Variants in DMXL1 observed in about 807,000 individuals in gnomAD.
DMXL1 encodes the protein dmX-like protein 1.
Under a neutral mutation model 319.2 loss-of-function variants are expected in DMXL1, and 99 were observed. That is an observed-to-expected ratio of 0.31 (90% CI 0.26 to 0.37). DMXL1 has a LOEUF of 0.37. Ranked by LOEUF, DMXL1 falls within the 10% of genes least tolerant of loss-of-function variation. The probability of loss-of-function intolerance (pLI) is 1.00; values close to 1 mark genes in which losing one functional copy is unlikely to be tolerated. For missense variants in DMXL1, 3,745 were observed against 3,595.6 expected (o/e 1.04, Z -1.06); for synonymous variants, 1,385 against 1,235.2 (o/e 1.12, Z -2.54).
chr5:119,238,863 G>T, intron 40 of DMXL1, 126 bp from the exon 41 acceptor site: 1 of 1,450,710 alleles, frequency 6.9e-7, no homozygotes, highest in South Asian at 1.5e-5. Context: ...AAAGTTCAAA[G>T]GAAAAAAACG....
intron 41 of DMXL1, 97 bp downstream of exon 41, chr5:119,239,177 T>A: frequency 8.1e-7 from 1 of 1,232,060 alleles, no homozygotes; most frequent in Admixed American, 2.1e-5. Context: ...TACTTATGGC[T>A]TTAGATACAG....
At chr5:119,180,257 A>G (rs1488347749) in intron 28 of DMXL1, among the ~76,000 whole-genome samples, 1 of 152,228 alleles carries the variant, frequency 6.6e-6, no homozygotes, top group Admixed American at 6.5e-5. Flanking sequence ...AATTGTACTT[A>G]TGGAATAGTA....
intron 35 of DMXL1, among the ~76,000 whole-genome samples, chr5:119,218,552 G>A (rs1784096020): frequency 6.6e-6 from 1 of 152,108 alleles, no homozygotes; most frequent in Non-Finnish European, 1.5e-5. Context: ...TGCCTCCCGG[G>A]TTCAAGCGAT....
chr5:119,152,107 C>A, intron 19 of DMXL1, 71 bp downstream of exon 19: 1 of 998,884 alleles, frequency 1.0e-6, no homozygotes, highest in Non-Finnish European at 1.5e-6. Context: ...AGTTTTTAAA[C>A]TTGTTTTTAC....
chr5:119,110,875 A>G (rs190752214), intron 5 of DMXL1, among the ~76,000 whole-genome samples: 5 of 151,916 alleles, frequency 3.3e-5, no homozygotes, highest in Non-Finnish European at 7.4e-5. Context: ...TGCAACCTCC[A>G]CCTCCCTGGT....
intron 9 of DMXL1, among the ~76,000 whole-genome samples, chr5:119,123,943 T>C (rs1436900767): frequency 6.6e-6 from 1 of 150,692 alleles, no homozygotes. Context: ...TTACTTCTAC[T>C]AATTAGGGAT....
At chr5:119,100,770 C>CTTTTTTTTTTTTTTTTTTTTTTTTTT in intron 2 of DMXL1, 1 of 62,718 alleles carries the variant, frequency 1.6e-5, no homozygotes, top group Non-Finnish European at 2.8e-5. Context: ...CATCTGTTTT[C>CTTTTTTTTTTTTTTTTTTTTTTTTTT]TTTTTTTTTT....
intron 30 of DMXL1, among the ~76,000 whole-genome samples, chr5:119,195,755 T>G (rs1243634284): frequency 6.6e-6 from 1 of 152,098 alleles, no homozygotes; most frequent in African/African-American, 2.4e-5. Context: ...CATTAAAAAA[T>G]TACTAAAAAT....
chr5:119,088,312 C>T (rs1365083448), intron 1 of DMXL1, among the ~76,000 whole-genome samples: 4 of 152,172 alleles, frequency 2.6e-5, no homozygotes, highest in African/African-American at 7.2e-5. Context: ...TCTTCTTCCA[C>T]CCCTTTACTT....
At chr5:119,120,342 A>C (rs1288762126) in intron 8 of DMXL1, among the ~76,000 whole-genome samples, 1 of 152,258 alleles carries the variant, frequency 6.6e-6, no homozygotes, top group Admixed American at 6.5e-5. Context: ...TAGAATGGTT[A>C]CATGTAGTAA....
intron 19 of DMXL1, among the ~76,000 whole-genome samples, chr5:119,163,876 A>G (rs1772822740): frequency 6.6e-6 from 1 of 151,922 alleles, no homozygotes; most frequent in Non-Finnish European, 1.5e-5. Flanking sequence ...CGCCCGGCCT[A>G]ATTGTACGTT....
chr5:119,236,534 A>C (rs1787791771), intron 39 of DMXL1: 1 of 152,028 alleles, frequency 6.6e-6, no homozygotes. Flanking sequence ...TACCTGGGAA[A>C]GATAGCTATA....
chr5:119,196,522 T>C, intron 31 of DMXL1, 66 bp downstream of exon 31: 1 of 1,205,734 alleles, frequency 8.3e-7, no homozygotes, highest in Non-Finnish European at 1.2e-6. Flanking sequence ...GTTGTTTTTT[T>C]TTTTTTTTTT....
intron 39 of DMXL1, among the ~76,000 whole-genome samples, chr5:119,234,931 C>G (rs1284129835): frequency 6.6e-6 from 1 of 152,100 alleles, no homozygotes; most frequent in Admixed American, 6.6e-5. Flanking sequence ...TCAGCTTTAA[C>G]ACTCACTACA....
chr5:119,133,248 C>G lies in DMXL1; in HGVS notation c.1432C>G (p.Gln478Glu), dbSNP rs2150049545. The part of the protein sequence containing the change: ...TSLSSAAIDH[Q>E]IEVLLSEWSK... Reference sequence around the variant, plus strand: ...ATTATCGTCAGCTGCCATTGATCATCAGATTGAAGTACTTCTGTCTGAATG... The same window carrying G: ...ATTATCGTCAGCTGCCATTGATCATGAGATTGAAGTACTTCTGTCTGAATG... Residue 478 changes from glutamine to glutamate, a missense_variant, in exon 11 of 44, where the codon CAG becomes GAG. Physicochemically the swap from Gln to Glu is conservative, Grantham distance 29. Coordinates refer to ENST00000539542, the MANE Select transcript of DMXL1 (RefSeq NM_001290321.3). 2 of 1,614,150 alleles carry G rather than the reference C, an allele frequency of 1.2e-6. No individual in the cohort carries two copies. Among genetic ancestry groups the G allele is most frequent in the East Asian group, 4.5e-5 (2 of 44,870 alleles).
chr5:119,186,858 T>A (rs1194326401), intron 28 of DMXL1, among the ~76,000 whole-genome samples: 1 of 151,770 alleles, frequency 6.6e-6, no homozygotes, highest in Non-Finnish European at 1.5e-5. Context: ...TACAGTCTAC[T>A]ATCTTGACAT....
chr5:119,099,371 C>T (rs369770849), intron 2 of DMXL1, among the ~76,000 whole-genome samples: 12 of 152,082 alleles, frequency 7.9e-5, no homozygotes, highest in East Asian at 1.9e-4. Flanking sequence ...CCATCATACC[C>T]GGCTAATTTT....
At chr5:119,234,355 G>A (rs1787327669) in intron 39 of DMXL1, among the ~76,000 whole-genome samples, 1 of 151,788 alleles carries the variant, frequency 6.6e-6, no homozygotes, top group Non-Finnish European at 1.5e-5. Context: ...TTGTCTTCAG[G>A]GCCATGCTGC....
At chr5:119,140,236 C>G (rs1390105508) in intron 13 of DMXL1, among the ~76,000 whole-genome samples, 1 of 151,930 alleles carries the variant, frequency 6.6e-6, no homozygotes, top group Non-Finnish European at 1.5e-5. Context: ...ACAAATCAAC[C>G]CCAAAGCTAG....
Sources: gnomAD v4.1 joint callset for allele counts (sites outside exome capture counted in the v4.1 genomes callset) on GRCh38, gnomAD v4.1.1 for gene constraint, MANE v1.5 for transcripts, NCBI Gene and HGNC (gene_info 2026-07-23, HGNC 2026-07-21) for gene names.